DNAH17: variants seen among roughly 807,000 people sequenced by gnomAD.
The protein encoded by DNAH17 is dynein axonemal heavy chain 17, also known as axonemal beta dynein heavy chain 17.
Under a neutral mutation model 485.6 loss-of-function variants are expected in DNAH17, and 376 were observed. The observed-to-expected ratio is 0.77, with a 90% confidence interval of 0.71 to 0.84. The LOEUF (loss-of-function observed/expected upper bound fraction) is 0.84, where lower values mean the gene tolerates loss of function less well. Ranked by LOEUF, DNAH17 falls within the 40% of genes least tolerant of loss-of-function variation. DNAH17 has a pLI of 0.00. For missense variants in DNAH17, 6,370 were observed against 5,839.3 expected, an observed-to-expected ratio of 1.09 and a Z score of -2.96; for synonymous variants, 3,031 against 2,405.9, an observed-to-expected ratio of 1.26 and a Z score of -7.60.
chr17:78,562,901 C>G (rs899782278), intron 11 of DNAH17, among the ~76,000 whole-genome samples: 1 of 152,162 alleles, frequency 6.6e-6, no homozygotes, highest in Non-Finnish European at 1.5e-5. Flanking sequence ...AACAGGGTCC[C>G]CCAGTGCTGG....
At position 78,454,571 on chromosome 17, in the gene DNAH17, G is replaced by T. The variant is rs183757950; in HGVS notation, c.10305C>A (p.Thr3435=). ...CGTCCACGATCAGCGGCCACCGCTC[G>T]GTGTTGCCCAGGATGGTGGCATTCT... The part of the protein sequence containing the change: ...STENATILGN[T]ERWPLIVDAQ... Residue 3435 remains threonine, a synonymous_variant, in exon 64 of 81, where the codon ACC becomes ACA. Coordinates refer to ENST00000389840, the MANE Select transcript of DNAH17 (RefSeq NM_173628.4). The T allele has an allele frequency of 6.2e-7, 1 of 1,613,080 alleles. No individual in the cohort carries two copies.
At chr17:78,519,871 A>G (rs930794416) in intron 25 of DNAH17, among the ~76,000 whole-genome samples, 2 of 152,176 alleles carry the variant, frequency 1.3e-5, no homozygotes, top group Non-Finnish European at 2.9e-5. Context: ...GCACTTTGGG[A>G]GGCTGAGGTG....
intron 58 of DNAH17, among the ~76,000 whole-genome samples, chr17:78,461,123 G>T (rs1482557541): frequency 1.3e-5 from 2 of 151,932 alleles, no homozygotes; most frequent in Non-Finnish European, 2.9e-5. Context: ...ACCCTCTCGG[G>T]GGGGGCCCGG....
rs546606099 is a variant in DNAH17 at position 78,463,663 on chromosome 17, T to C, written c.8941-586A>G. ...GTACAAGGCTGAGAATGTGTTTTCA[T>C]ATCCCAGGTAATTCTGCAAATATTT... On this transcript the variant is annotated intron_variant, in intron 56 of 80. Coordinates refer to ENST00000389840, the MANE Select transcript of DNAH17 (RefSeq NM_173628.4). 8.5e-5 allele frequency among the ~76,000 whole-genome samples: 13 copies of C among 152,382 alleles called. 2 individuals are homozygous for C. In the South Asian group the frequency reaches 1.9e-3, roughly 22 times the overall value.
intron 62 of DNAH17, among the ~76,000 whole-genome samples, chr17:78,457,959 C>A (rs559213893): frequency 2.4e-4 from 36 of 152,302 alleles, no homozygotes; most frequent in Admixed American, 1.7e-3. Context: ...CTGCGCCCAG[C>A]TAGTCTGGCT....
At chr17:78,497,503 C>T (rs1267847435) in intron 37 of DNAH17, among the ~76,000 whole-genome samples, 1 of 152,210 alleles carries the variant, frequency 6.6e-6, no homozygotes, top group African/African-American at 2.4e-5. Flanking sequence ...ACATTCAGTG[C>T]CCAGAGTAGG....
intron 13 of DNAH17, among the ~76,000 whole-genome samples, chr17:78,558,646 A>G (rs537842450): frequency 3.6e-4 from 55 of 152,158 alleles, no homozygotes; most frequent in African/African-American, 1.3e-3. Context: ...CATCATCACC[A>G]TGGGTGGCTG....
At position 78,426,667 on chromosome 17, in the gene DNAH17, C is replaced by T. The variant is rs145436583; in HGVS notation, c.12772-67G>A. The T allele has an allele frequency of 2.3e-4, 354 of 1,531,188 alleles. 2 individuals are homozygous for T. The highest frequency in any genetic ancestry group is 5.6e-4 in the Middle Eastern group (3 of 5,318). The allele number at this position is 1,531,188 out of a possible 1,614,324, so 94.9% of individuals were successfully genotyped here. On this transcript the variant is annotated intron_variant, in intron 78 of 80. Coordinates refer to ENST00000389840, the MANE Select transcript of DNAH17 (RefSeq NM_173628.4). Reference sequence around the variant, plus strand: ...GCCTGGGAGAGCACCAGCCCCAGTGCGTGTCATGAGTTGTCAACACAGTGT... The same window carrying T: ...GCCTGGGAGAGCACCAGCCCCAGTGTGTGTCATGAGTTGTCAACACAGTGT...
In DNAH17 at chr17:78,567,168, T is replaced by C. The variant is rs751163544; in HGVS notation, c.1285-2A>G. ...CTCAATTGCTGTTTTATAGAGTTCC[T>C]AGTGGAGGAGAAAAACACAGTCAAT... On this transcript the variant is annotated splice_acceptor_variant, in intron 9 of 80. Transcript: ENST00000389840. LOFTEE classifies it high-confidence loss of function. The C allele has an allele frequency of 1.3e-6, 2 of 1,593,178 alleles. No homozygotes were observed. The highest frequency in any genetic ancestry group is 1.8e-5 in the Admixed American group (1 of 56,620).
chr17:78,428,495 C>T (rs1434161404), intron 77 of DNAH17, 30 bp downstream of exon 77: 23 of 1,563,626 alleles, frequency 1.5e-5, no homozygotes, highest in Non-Finnish European at 1.5e-5. Context: ...CCCCCTTCCT[C>T]TCGCTTGGGA....
chr17:78,426,511 G>A lies in DNAH17; in HGVS notation c.12861C>T (p.Tyr4287=), dbSNP rs781159057. ...AGGCCGCCAGGCCCATCATGGAGGG[G>A]TAGGCCCGGGCCACCCACGTATCAG... ...TVPDTWVARA[Y]PSMMGLAAWY... Residue 4287 remains tyrosine, a synonymous_variant, in exon 79 of 81, where the codon TAC becomes TAT. Coordinates refer to ENST00000389840, the MANE Select transcript of DNAH17 (RefSeq NM_173628.4). 24 of 1,613,508 alleles carry A rather than the reference G, an allele frequency of 1.5e-5. No individual in the cohort carries two copies. Among genetic ancestry groups the A allele is most frequent in the Middle Eastern group, 1.6e-4 (1 of 6,082 alleles).
Position 78,461,584 on chromosome 17 carries a change from A to G in DNAH17, c.9299T>C (p.Ile3100Thr), listed in dbSNP as rs372377612. ...EAEKVSKEKA[I>T]ADQEEVKVEV... ...GACCTTGACTTCTTCCTGGTCAGCA[A>G]TGGCCTTCTCTTTGCTGACCTTCTC... is the stretch of plus-strand genomic sequence containing the variant. The change falls in exon 58 of 81, where the codon ATT (isoleucine) becomes ACT (threonine). Residue 3100 changes from isoleucine to threonine, a missense_variant. Physicochemically the swap from Ile to Thr is moderately conservative, Grantham distance 89 (BLOSUM62 -1). Transcript: ENST00000389840. The G allele has an allele frequency of 2.5e-6, 4 of 1,605,012 alleles. No individual in the cohort carries two copies. In the African/African-American group the frequency reaches 5.4e-5, roughly 21 times the overall value.
Position 78,437,830 on chromosome 17 carries a change from G to C in DNAH17, c.11844C>G (p.Asp3948Glu), listed in dbSNP as rs766007582. ...HLVARWLGTL[D>E]KKLEHYSTGS... ...CCGTGCTGTAGTGCTCCAGCTTCTTGTCCAGTGTTCCCAGCCACCGGGCCA... is the reference window on the plus strand; with the variant it reads ...CCGTGCTGTAGTGCTCCAGCTTCTTCTCCAGTGTTCCCAGCCACCGGGCCA... Residue 3948 changes from aspartate to glutamate, a missense_variant, in exon 74 of 81, where the codon GAC becomes GAG. Physicochemically the swap from Asp to Glu is conservative, Grantham distance 45. Coordinates refer to ENST00000389840, the MANE Select transcript of DNAH17 (RefSeq NM_173628.4). The C allele has an allele frequency of 6.2e-7, 1 of 1,611,690 alleles. No homozygotes were observed. Among genetic ancestry groups the C allele is most frequent in the African/African-American group, 1.3e-5 (1 of 74,916 alleles).
At chr17:78,502,071 G>A (rs1342814098) in intron 33 of DNAH17, 198 bp from the exon 34 acceptor site, 7 of 658,948 alleles carry the variant, frequency 1.1e-5, no homozygotes, top group East Asian at 2.9e-5. Context: ...ACCTGGCAGT[G>A]GCTAGCATGG....
intron 25 of DNAH17, among the ~76,000 whole-genome samples, chr17:78,524,113 C>G (rs540854462): frequency 6.6e-6 from 1 of 152,104 alleles, no homozygotes; most frequent in South Asian, 2.1e-4. Context: ...GGGCGTGGCC[C>G]TCAGGAATGT....
chr17:78,562,994 G>A (rs79466370), intron 11 of DNAH17, among the ~76,000 whole-genome samples: 1 of 152,176 alleles, frequency 6.6e-6, no homozygotes, highest in Non-Finnish European at 1.5e-5. Flanking sequence ...CGGTGAGCCT[G>A]AGTCTCAGAC....
chr17:78,501,817 G>A lies in DNAH17; in HGVS notation c.5247C>T (p.Asp1749=). ...TLLMGNLNAG[D]RMKIMTICTI... is the part of the protein sequence containing the mutation. ...TGCAGATGGTCATGATCTTCATCCT[G>A]TCGCCAGCGTTGAGGTTCCCCATGA... The change falls in exon 34 of 81, where the codon GAC becomes GAT. Residue 1749 remains aspartate (D), a synonymous_variant. Transcript: ENST00000389840. The A allele has an allele frequency of 6.2e-7, 1 of 1,614,008 alleles. No homozygotes were observed. Among genetic ancestry groups the A allele is most frequent in the East Asian group, 2.2e-5 (1 of 44,888 alleles).
At chr17:78,548,798 TGCTG>T (rs1297191958) in intron 16 of DNAH17, among the ~76,000 whole-genome samples, 8 of 152,262 alleles carry the variant, frequency 5.3e-5, no homozygotes, top group Admixed American at 3.9e-4. Context: ...AGCTAGATGC[TGCTG>T]GCTGTCATGT....
intron 14 of DNAH17, among the ~76,000 whole-genome samples, chr17:78,555,543 C>CAAAAAAAAAAAAAAA (rs765954549): frequency 2.6e-5 from 2 of 77,688 alleles, no homozygotes; most frequent in African/African-American, 1.1e-4. Flanking sequence ...GATTCCGTCA[C>CAAAAAAAAAAAAAAA]AAAAAAAAAA....
Sources: gnomAD v4.1 joint callset for allele counts (sites outside exome capture counted in the v4.1 genomes callset) on GRCh38, gnomAD v4.1.1 for gene constraint, MANE v1.5 for transcripts, NCBI Gene and HGNC (gene_info 2026-07-23, HGNC 2026-07-21) for gene names.